Variants in NOX4 observed in about 807,000 individuals in gnomAD.
NOX4 encodes NADPH oxidase 4, also known as kidney oxidase-1.
Under a neutral mutation model 87.6 loss-of-function variants are expected in NOX4, and 69 were observed. The observed-to-expected ratio is 0.79, with a 90% CI of 0.65 to 0.96. The LOEUF is 0.96. Among genes scored for constraint, NOX4 ranks in the 40% least tolerant of loss-of-function variants. The probability of loss-of-function intolerance (pLI) is 0.00; values close to 1 mark genes in which losing one functional copy is unlikely to be tolerated. For missense variants in NOX4, 680 were observed against 681.5 expected (o/e 1.00, Z 0.02); for synonymous variants, 275 against 238.2 (o/e 1.15, Z -1.42).
intron 12 of NOX4, among the ~76,000 whole-genome samples, chr11:89,371,214 T>C (rs1264375185): frequency 1.3e-5 from 2 of 151,984 alleles, no homozygotes; most frequent in Non-Finnish European, 2.9e-5. Context: ...GATAATGACA[T>C]GACTATTTAG....
At chr11:89,336,133 A>G (rs1215975671) in intron 16 of NOX4, 188 bp from the exon 17 acceptor site, 1 of 405,884 alleles carries the variant, frequency 2.5e-6, no homozygotes, top group Non-Finnish European at 4.5e-6. Context: ...TTTAAAATTC[A>G]TTATCTCCTT....
intron 2 of NOX4, among the ~76,000 whole-genome samples, chr11:89,467,066 C>T (rs1311866445): frequency 2.6e-5 from 4 of 151,852 alleles, no homozygotes; most frequent in African/African-American, 7.3e-5. Flanking sequence ...ATGTCTTTAT[C>T]GGCCGGGCAC....
intron 8 of NOX4, among the ~76,000 whole-genome samples, chr11:89,407,653 G>A (rs183234119): frequency 5.9e-5 from 9 of 151,708 alleles, no homozygotes; most frequent in South Asian, 2.1e-4. Context: ...TGTTTGTTTT[G>A]CTTTCTGTTT....
chr11:89,400,505 A>G (rs866253457), intron 9 of NOX4, 126 bp from the exon 10 acceptor site: 5 of 590,902 alleles, frequency 8.5e-6, no homozygotes, highest in Middle Eastern at 5.0e-4. Flanking sequence ...ATAAGAAAAC[A>G]TAACAAATGA....
At chr11:89,430,898 A>G (rs938958807) in intron 7 of NOX4, among the ~76,000 whole-genome samples, 13 of 152,200 alleles carry the variant, frequency 8.5e-5, no homozygotes, top group African/African-American at 3.1e-4. Context: ...CATTGCCAAG[A>G]CAATCCTAAG....
chr11:89,408,947 A>C (rs901075551), intron 8 of NOX4, among the ~76,000 whole-genome samples: 2 of 152,154 alleles, frequency 1.3e-5, no homozygotes, highest in African/African-American at 4.8e-5. Flanking sequence ...CTAGGGTCTT[A>C]AGGGCTTAGG....
chr11:89,524,128 G>A, the NOX4 span, among the ~76,000 whole-genome samples: 1 of 152,126 alleles, frequency 6.6e-6, no homozygotes, highest in African/African-American at 2.4e-5. Flanking sequence ...ACTTTAAGTA[G>A]ATGCTGTTTA....
rs543766499 is a variant in NOX4 at position 89,469,280 on chromosome 11, G to C, written c.154-17385C>G. Among the ~76,000 whole-genome samples, 8 of 152,300 alleles carry C rather than the reference G, an allele frequency of 5.3e-5. No individual in the cohort carries two copies. The East Asian group carries it at 1.2e-3, about 22-fold the overall frequency. Reference sequence around the variant, plus strand: ...TGTTCAAAGGGAGTTGAAAAAGCCAGAGAGGTTAGTTTGAATAATTGGTCA... The same window carrying C: ...TGTTCAAAGGGAGTTGAAAAAGCCACAGAGGTTAGTTTGAATAATTGGTCA... On this transcript the variant is annotated intron_variant, in intron 2 of 17. Transcript: ENST00000263317.
intron 2 of NOX4, among the ~76,000 whole-genome samples, chr11:89,466,960 G>A (rs963556512): frequency 2.0e-5 from 3 of 152,110 alleles, no homozygotes; most frequent in Non-Finnish European, 2.9e-5. Context: ...TAAATAGTAG[G>A]CCAATATGTT....
At chr11:89,528,711 C>T in the NOX4 span, among the ~76,000 whole-genome samples, 1 of 152,160 alleles carries the variant, frequency 6.6e-6, no homozygotes, top group Non-Finnish European at 1.5e-5. Context: ...CCTCACCAGC[C>T]ATGCCGAACT....
chr11:89,485,274 G>T (rs994987864), intron 2 of NOX4, among the ~76,000 whole-genome samples: 1 of 152,070 alleles, frequency 6.6e-6, no homozygotes, highest in Non-Finnish European at 1.5e-5. Context: ...TCATGCAGCA[G>T]ATCTAAAACA....
the NOX4 span, among the ~76,000 whole-genome samples, chr11:89,512,929 T>C: frequency 6.6e-6 from 1 of 152,094 alleles, no homozygotes; most frequent in African/African-American, 2.4e-5. Context: ...TCTAGCAGAG[T>C]TCTGAGAACA....
chr11:89,502,093 C>T (rs1377180635), upstream of NOX4, among the ~76,000 whole-genome samples: 2 of 151,980 alleles, frequency 1.3e-5, no homozygotes, highest in Non-Finnish European at 2.9e-5. Flanking sequence ...GCAGCAGTAA[C>T]TGAATAAGAT....
intron 2 of NOX4, among the ~76,000 whole-genome samples, chr11:89,478,624 A>T (rs1946265129): frequency 6.6e-6 from 1 of 152,126 alleles, no homozygotes. Flanking sequence ...ACTTTCATAT[A>T]CCTAAAATTT....
intron 11 of NOX4, among the ~76,000 whole-genome samples, chr11:89,378,894 A>G (rs1179711893): frequency 2.0e-5 from 3 of 152,222 alleles, no homozygotes; most frequent in African/African-American, 7.2e-5. Context: ...TTAATGCAAC[A>G]TCATGACAGT....
upstream of NOX4, among the ~76,000 whole-genome samples, chr11:89,494,550 C>T (rs539011623): frequency 1.3e-5 from 2 of 152,286 alleles, no homozygotes; most frequent in South Asian, 4.1e-4. Context: ...CATAGCTTGA[C>T]ACATAGTAGG....
At chr11:89,420,409 G>C (rs1022284651) in intron 8 of NOX4, among the ~76,000 whole-genome samples, 3 of 151,982 alleles carry the variant, frequency 2.0e-5, no homozygotes, top group Admixed American at 1.3e-4. Context: ...CCCATTTAAA[G>C]AGCAGAATGT....
intron 15 of NOX4, among the ~76,000 whole-genome samples, chr11:89,338,842 G>A (rs985243700): frequency 3.3e-5 from 5 of 152,066 alleles, no homozygotes; most frequent in Non-Finnish European, 7.4e-5. Context: ...TCTTGAACAT[G>A]CAATATAAAT....
At chr11:89,373,834 G>A (rs2135062296) in intron 11 of NOX4, among the ~76,000 whole-genome samples, 1 of 152,006 alleles carries the variant, frequency 6.6e-6, no homozygotes, top group South Asian at 2.1e-4. Context: ...CACAAAGGAA[G>A]AAACAAAAAC....
Sources: gnomAD v4.1 joint callset for allele counts (sites outside exome capture counted in the v4.1 genomes callset) on GRCh38, gnomAD v4.1.1 for gene constraint, MANE v1.5 for transcripts, NCBI Gene and HGNC (gene_info 2026-07-23, HGNC 2026-07-21) for gene names.